DEPDC5: variants seen among roughly 807,000 people sequenced by gnomAD.
The protein encoded by DEPDC5 is DEP domain containing 5, GATOR1 subcomplex subunit.
DEPDC5 carries 73 observed loss-of-function variants against 217.3 expected under a neutral mutation model. The ratio of observed to expected loss-of-function variants is 0.34; its 90% confidence interval spans 0.28 to 0.41. The LOEUF (loss-of-function observed/expected upper bound fraction) is 0.41. Ranked by LOEUF, DEPDC5 falls within the 10% of genes least tolerant of loss-of-function variation. The pLI, the probability that DEPDC5 is intolerant of heterozygous loss-of-function variation, is 1.00. For missense variants in DEPDC5, 1,675 were observed against 2,070.1 expected (o/e 0.81, Z 3.70); for synonymous variants, 733 against 756.7 (o/e 0.97, Z 0.51).
rs925949052 is a variant in DEPDC5, at chr22:31,804,262, G to A, written c.1143+39G>A. The A allele has an allele frequency of 1.9e-6, 3 of 1,604,556 alleles. No individual in the cohort carries two copies. The African/African-American group carries it at 4.0e-5, about 21-fold the overall frequency. On this transcript the variant is annotated intron_variant, in intron 16 of 42. Transcript: ENST00000651528. ...GGATTTGTTTACTAAAGGCCAGTTG[G>A]AGTATAGTTAGAAAGAGAAAAATTC...
intron 38 of DEPDC5, among the ~76,000 whole-genome samples, chr22:31,886,086 C>T (rs2093305123): frequency 6.6e-6 from 1 of 151,912 alleles, no homozygotes; most frequent in Non-Finnish European, 1.5e-5. Flanking sequence ...TCACTACTTA[C>T]TCCTAGCTCA....
At chr22:31,776,158 C>T (rs1393583760) in intron 7 of DEPDC5, among the ~76,000 whole-genome samples, 1 of 144,900 alleles carries the variant, frequency 6.9e-6, no homozygotes, top group Non-Finnish European at 1.5e-5. Context: ...GTTGCCCAGA[C>T]TGGAGTGCAG....
intron 27 of DEPDC5, among the ~76,000 whole-genome samples, chr22:31,840,419 T>C (rs1174348508): frequency 6.6e-6 from 1 of 152,136 alleles, no homozygotes; most frequent in Non-Finnish European, 1.5e-5. Context: ...AAGCCGGAGG[T>C]GCAGCCAGAG....
At chr22:31,784,569 A>G (rs1404026257) in intron 9 of DEPDC5, 3 of 374,684 alleles carry the variant, frequency 8.0e-6, no homozygotes, top group Admixed American at 4.4e-5. Context: ...GCAGTGAGCC[A>G]GTATCATGCC....
intron 25 of DEPDC5, among the ~76,000 whole-genome samples, chr22:31,836,572 T>C (rs560194302): frequency 6.6e-6 from 1 of 152,354 alleles, no homozygotes; most frequent in Admixed American, 6.5e-5. Context: ...GCTCCCCTCC[T>C]TTCCCCACCT....
chr22:31,884,620 G>C (rs1301760848), intron 38 of DEPDC5, among the ~76,000 whole-genome samples: 1 of 152,076 alleles, frequency 6.6e-6, no homozygotes, highest in African/African-American at 2.4e-5. Flanking sequence ...TAGCATTCGG[G>C]TCTCAGCCTG....
chr22:31,779,901 G>A (rs981490138), intron 8 of DEPDC5, among the ~76,000 whole-genome samples: 8 of 152,124 alleles, frequency 5.3e-5, no homozygotes, highest in Non-Finnish European at 1.0e-4. Flanking sequence ...AGAGACAAGA[G>A]AGGTGTACCT....
intron 31 of DEPDC5, among the ~76,000 whole-genome samples, chr22:31,849,088 T>G (rs1371158511): frequency 1.3e-5 from 2 of 152,204 alleles, no homozygotes; most frequent in South Asian, 2.1e-4. Context: ...AGTGCCAAAC[T>G]TTCCCACATC....
chr22:31,857,405 C>T, intron 31 of DEPDC5, 40 bp from the exon 32 acceptor site: 1 of 1,535,318 alleles, frequency 6.5e-7, no homozygotes, highest in Admixed American at 2.0e-5. Context: ...CACCAGGGAG[C>T]TCTGAGCAAG....
At chr22:31,849,505 G>C (rs998981325) in intron 31 of DEPDC5, among the ~76,000 whole-genome samples, 1 of 152,094 alleles carries the variant, frequency 6.6e-6, no homozygotes, top group Non-Finnish European at 1.5e-5. Flanking sequence ...ATCTTGGTGG[G>C]CATAGTGGCT....
intron 7 of DEPDC5, among the ~76,000 whole-genome samples, chr22:31,777,264 G>GT (rs371773869): frequency 0.034 from 4,054 of 117,726 alleles, 72 homozygotes; most frequent in African/African-American, 0.054. Flanking sequence ...CTGGCCCTAA[G>GT]TTTTTTTTTT....
chr22:31,811,484 A>C (rs1038405263), intron 20 of DEPDC5, among the ~76,000 whole-genome samples: 2 of 151,904 alleles, frequency 1.3e-5, no homozygotes, highest in South Asian at 4.1e-4. Flanking sequence ...CTGAGTGGGC[A>C]TGAACTTTTC....
chr22:31,777,890 G>A, intron 7 of DEPDC5: 1 of 555,932 alleles, frequency 1.8e-6, no homozygotes, highest in South Asian at 2.0e-5. Context: ...TGGGACTACA[G>A]GCATGTGTCA....
chr22:31,832,586 G>GC (rs1293434865), intron 24 of DEPDC5, among the ~76,000 whole-genome samples: 3 of 152,138 alleles, frequency 2.0e-5, no homozygotes, highest in Admixed American at 6.5e-5. Flanking sequence ...GGACTTCTGG[G>GC]CACAAGCAGT....
At chr22:31,820,308 C>T (rs1343869379) in intron 22 of DEPDC5, among the ~76,000 whole-genome samples, 1 of 152,150 alleles carries the variant, frequency 6.6e-6, no homozygotes, top group Non-Finnish European at 1.5e-5. Context: ...GACGGGGTTT[C>T]ACCATGTTGG....
At chr22:31,882,433 AG>A (rs1184150825) in intron 38 of DEPDC5, among the ~76,000 whole-genome samples, 1 of 152,244 alleles carries the variant, frequency 6.6e-6, no homozygotes, top group African/African-American at 2.4e-5. Flanking sequence ...TTTATGTGAG[AG>A]CTGAAGAAAG....
intron 3 of DEPDC5, among the ~76,000 whole-genome samples, chr22:31,759,334 C>T (rs968229250): frequency 2.0e-5 from 3 of 151,698 alleles, no homozygotes; most frequent in Non-Finnish European, 4.4e-5. Flanking sequence ...AGATTACAGG[C>T]ATGAGCCACC....
Position 31,856,150 on chromosome 22 carries a change from A to AAC in DEPDC5, c.3156-1294_3156-1293dup, listed in dbSNP as rs1165235943. ...CCTCAGAGATGTGCTGAGTTGGGCC[A>AAC]ACGCGCACACACACACACACACACA... On this transcript the variant is annotated intron_variant, in intron 31 of 42. Coordinates refer to ENST00000651528, the MANE Select transcript of DEPDC5 (RefSeq NM_001242896.3). Among the ~76,000 whole-genome samples the AAC allele has an allele frequency of 4.1e-5, 3 of 73,582 alleles. 1 individual carries two copies. Among genetic ancestry groups the AAC allele is most frequent in the South Asian group, 1.1e-3 (2 of 1,800 alleles). The allele number at this position is 73,582 out of a possible 152,430, so 48.3% of individuals were successfully genotyped here.
chr22:31,883,197 C>A (rs958341323), intron 38 of DEPDC5, among the ~76,000 whole-genome samples: 1 of 152,138 alleles, frequency 6.6e-6, no homozygotes, highest in South Asian at 2.1e-4. Flanking sequence ...TAAAATTACC[C>A]CCAGCTGAGA....
Sources: allele counts gnomAD v4.1 joint callset (sites outside exome capture counted in the v4.1 genomes callset), GRCh38; gene constraint gnomAD v4.1.1; transcripts MANE v1.5; gene names NCBI Gene and HGNC (gene_info 2026-07-23, HGNC 2026-07-21).